The following LHFPL3 variants were observed in gnomAD, a reference collection of about 807,000 sequenced individuals.
LHFPL3 encodes LHFPL tetraspan subfamily member 3.
LHFPL3 carries 5 observed loss-of-function variants against 19.3 expected under a neutral mutation model. The ratio of observed to expected loss-of-function variants is 0.26; its 90% CI spans 0.14 to 0.54. The LOEUF is 0.54. Among genes scored for constraint, LHFPL3 ranks in the 20% least tolerant of loss-of-function variants. LHFPL3 has a pLI of 0.94. For synonymous variants in LHFPL3, 133 were observed against 126.2 expected (o/e 1.05, Z -0.36); for missense variants, 249 against 307.4 (o/e 0.81, Z 1.42).
Position 104,778,686 on chromosome 7 carries a change from C to T in LHFPL3, c.682+41775C>T, listed in dbSNP as rs1794673063. Among the ~76,000 whole-genome samples, 2 of 152,218 alleles carry T rather than the reference C, an allele frequency of 1.3e-5. 1 individual carries two copies. Among genetic ancestry groups the T allele is most frequent in the African/African-American group, 4.8e-5 (2 of 41,440 alleles). The stretch of plus-strand genomic sequence containing the variant: ...CACTATCATCTACCACTTCTCCGCC[C>T]GTGGAACTGTTGGGCAGAGGCCCTT... On this transcript the variant is annotated intron_variant, in intron 2 of 2. Coordinates refer to ENST00000424859, the MANE Select transcript of LHFPL3 (RefSeq NM_199000.3).
At chr7:104,887,839 A>G (rs1792176292) in intron 2 of LHFPL3, among the ~76,000 whole-genome samples, 1 of 152,224 alleles carries the variant, frequency 6.6e-6, no homozygotes, top group South Asian at 2.1e-4. Flanking sequence ...AATCCTGGAA[A>G]TATGTTTAGA....
chr7:104,480,415 G>T (rs1584349159), intron 1 of LHFPL3, among the ~76,000 whole-genome samples: 1 of 152,128 alleles, frequency 6.6e-6, no homozygotes, highest in African/African-American at 2.4e-5. Context: ...TTGCACACCG[G>T]CATGTCCAAC....
chr7:104,870,415 G>C (rs1791811147), intron 2 of LHFPL3, among the ~76,000 whole-genome samples: 1 of 152,148 alleles, frequency 6.6e-6, no homozygotes, highest in African/African-American at 2.4e-5. Context: ...GCACCTCTGG[G>C]AAAGGGGAAT....
chr7:104,385,410 T>C (rs1478009375), intron 1 of LHFPL3, among the ~76,000 whole-genome samples: 1 of 152,044 alleles, frequency 6.6e-6, no homozygotes, highest in East Asian at 1.9e-4. Context: ...CTGAGCAGAG[T>C]TAATGAGAAG....
chr7:104,365,797 A>AAAAAAAAAAAAAAAAAG (rs1554381866), intron 1 of LHFPL3, among the ~76,000 whole-genome samples: 23 of 125,968 alleles, frequency 1.8e-4, no homozygotes, highest in African/African-American at 6.7e-4. Flanking sequence ...CAAAAAAAAA[A>AAAAAAAAAAAAAAAAAG]AAAAAAAAGA....
chr7:104,712,601 C>G (rs1295124994), intron 1 of LHFPL3, among the ~76,000 whole-genome samples: 1 of 152,146 alleles, frequency 6.6e-6, no homozygotes, highest in Non-Finnish European at 1.5e-5. Context: ...AGAAGGAGAC[C>G]ATGAGCCAAA....
chr7:104,464,979 C>T (rs889295653), intron 1 of LHFPL3, among the ~76,000 whole-genome samples: 3 of 152,178 alleles, frequency 2.0e-5, no homozygotes, highest in Admixed American at 6.5e-5. Flanking sequence ...AATTTTTATG[C>T]TTTGCTTCCT....
chr7:104,716,273 A>G (rs1372503945), intron 1 of LHFPL3, among the ~76,000 whole-genome samples: 3 of 151,990 alleles, frequency 2.0e-5, no homozygotes, highest in Non-Finnish European at 4.4e-5. Context: ...CTTGAACCCA[A>G]GAGGCAAAGG....
chr7:104,824,831 TTA>T (rs1562805008), intron 2 of LHFPL3, among the ~76,000 whole-genome samples: 1 of 128,818 alleles, frequency 7.8e-6, no homozygotes, highest in African/African-American at 2.9e-5. Context: ...TATTATATAA[TTA>T]TATATTATAT....
chr7:104,550,299 G>C (rs1027375429), intron 1 of LHFPL3, among the ~76,000 whole-genome samples: 1 of 151,930 alleles, frequency 6.6e-6, no homozygotes, highest in African/African-American at 2.4e-5. Flanking sequence ...GGGCACCATG[G>C]CCCAACTAGG....
chr7:104,406,528 T>C (rs1791415679), intron 1 of LHFPL3, among the ~76,000 whole-genome samples: 1 of 152,184 alleles, frequency 6.6e-6, no homozygotes, highest in Admixed American at 6.5e-5. Context: ...AGATATGAAT[T>C]AAAAGAGGAT....
At chr7:104,329,583 C>G (rs1801532757) in intron 1 of LHFPL3, among the ~76,000 whole-genome samples, 1 of 152,170 alleles carries the variant, frequency 6.6e-6, no homozygotes, top group Non-Finnish European at 1.5e-5. Context: ...TGCTGAGGGA[C>G]TAAGGAGGGA....
At position 104,329,249 on chromosome 7, in the gene LHFPL3, A is replaced by G; in HGVS notation, c.445+25A>G. On this transcript the variant is annotated intron_variant, in intron 1 of 2. Coordinates refer to ENST00000424859, the MANE Select transcript of LHFPL3 (RefSeq NM_199000.3). ...GGTGAGTGCGCGCTCACCTCCGCGG[A>G]GGCGGAGGACCCCGGGGCGCCCGAG... 3 of 1,571,754 alleles carry G rather than the reference A, an allele frequency of 1.9e-6. No individual in the cohort carries two copies. In the South Asian group the frequency reaches 3.5e-5, roughly 18 times the overall value.
chr7:104,359,312 C>T (rs1790345223), intron 1 of LHFPL3, among the ~76,000 whole-genome samples: 1 of 152,284 alleles, frequency 6.6e-6, no homozygotes, highest in Admixed American at 6.5e-5. Context: ...ATAGAGCCTT[C>T]AGAAGGTCCT....
chr7:104,675,848 C>T (rs540858260), intron 1 of LHFPL3, among the ~76,000 whole-genome samples: 145 of 111,984 alleles, frequency 1.3e-3, no homozygotes, highest in South Asian at 3.1e-3. Flanking sequence ...ATCAGGACTT[C>T]CCTTTTAGAT....
At chr7:104,362,722 T>C (rs1790413506) in intron 1 of LHFPL3, among the ~76,000 whole-genome samples, 1 of 152,236 alleles carries the variant, frequency 6.6e-6, no homozygotes, top group African/African-American at 2.4e-5. Flanking sequence ...TTATTATTAC[T>C]CACATCAGCC....
intron 1 of LHFPL3, among the ~76,000 whole-genome samples, chr7:104,624,190 T>A (rs1791502523): frequency 6.6e-6 from 1 of 152,174 alleles, no homozygotes; most frequent in South Asian, 2.1e-4. Flanking sequence ...AAACCAAATA[T>A]CGTGAGTTTT....
intron 1 of LHFPL3, among the ~76,000 whole-genome samples, chr7:104,339,499 A>T (rs1179988691): frequency 6.6e-6 from 1 of 152,158 alleles, no homozygotes; most frequent in African/African-American, 2.4e-5. Flanking sequence ...TCTGAGAGAG[A>T]TTCAGAGTCT....
Position 104,557,993 on chromosome 7 carries a change from A to G in LHFPL3, c.446-178682A>G, listed in dbSNP as rs10271129. On this transcript the variant is annotated intron_variant, in intron 1 of 2. Coordinates refer to ENST00000424859, the MANE Select transcript of LHFPL3 (RefSeq NM_199000.3). ...GATTTCCAATTTCATCCATGTCCCT[A>G]CAAAGGACATGAACTCATCATTTTT... is the stretch of plus-strand genomic sequence containing the variant. Among the ~76,000 whole-genome samples the G allele has an allele frequency of 2.6e-3, 397 of 150,662 alleles. 2 individuals are homozygous for G. The highest frequency in any genetic ancestry group is 6.9e-3 in the African/African-American group (278 of 40,304).
Sources: allele counts gnomAD v4.1 joint callset (sites outside exome capture counted in the v4.1 genomes callset), GRCh38; gene constraint gnomAD v4.1.1; transcripts MANE v1.5; gene names NCBI Gene and HGNC (gene_info 2026-07-23, HGNC 2026-07-21).